Variants in CLVS1 observed in about 807,000 individuals in gnomAD.
CLVS1 encodes the protein clavesin 1.
In CLVS1, 10 loss-of-function variants were observed where a neutral mutation model predicts 33.1. The ratio of observed to expected loss-of-function variants is 0.30; its 90% CI spans 0.19 to 0.51. CLVS1 has a LOEUF of 0.51. Among genes scored for constraint, CLVS1 ranks in the 20% least tolerant of loss-of-function variants. The pLI is 0.97. For missense variants in CLVS1, 343 were observed against 433.4 expected (o/e 0.79, Z 1.85); for synonymous variants, 163 against 166.1 (o/e 0.98, Z 0.14).
intron 3 of CLVS1, among the ~76,000 whole-genome samples, chr8:61,424,551 G>C (rs1815808105): frequency 6.6e-6 from 1 of 152,094 alleles, no homozygotes; most frequent in Non-Finnish European, 1.5e-5. Context: ...TTATAAAATT[G>C]TACTTTTCTT....
intron 2 of CLVS1, among the ~76,000 whole-genome samples, chr8:61,242,471 A>G (rs1164595813): frequency 1.3e-5 from 2 of 151,572 alleles, no homozygotes; most frequent in African/African-American, 4.9e-5. Flanking sequence ...TCTCCTTTTT[A>G]CTTTTAGAAT....
chr8:61,470,003 T>C (rs1177809341), intron 5 of CLVS1, among the ~76,000 whole-genome samples: 1 of 152,206 alleles, frequency 6.6e-6, no homozygotes, highest in Non-Finnish European at 1.5e-5. Flanking sequence ...AGCCATAAAT[T>C]CCCAGTGTTT....
chr8:61,148,758 A>G (rs768438141), intron 2 of CLVS1, among the ~76,000 whole-genome samples: 2 of 152,208 alleles, frequency 1.3e-5, no homozygotes, highest in Non-Finnish European at 2.9e-5. Context: ...TCAGAGAGAC[A>G]TTGCTAAACA....
At chr8:61,182,691 G>A (rs1289341393) in intron 2 of CLVS1, among the ~76,000 whole-genome samples, 2 of 151,670 alleles carry the variant, frequency 1.3e-5, no homozygotes, top group East Asian at 1.9e-4. Flanking sequence ...AGATGCTGAC[G>A]AGGCTGTGGA....
At chr8:61,475,482 G>A (rs183762419) in intron 5 of CLVS1, among the ~76,000 whole-genome samples, 5 of 152,060 alleles carry the variant, frequency 3.3e-5, no homozygotes, top group East Asian at 1.9e-4. Context: ...TTTAATGATC[G>A]CCATTCTAAC....
At chr8:61,355,863 G>A (rs568868417) in intron 2 of CLVS1, among the ~76,000 whole-genome samples, 8 of 152,258 alleles carry the variant, frequency 5.3e-5, no homozygotes, top group African/African-American at 9.6e-5. Flanking sequence ...GAATAGTGCC[G>A]CAATAAACAT....
intron 2 of CLVS1, among the ~76,000 whole-genome samples, chr8:61,267,783 G>A (rs1348484153): frequency 1.3e-5 from 2 of 152,176 alleles, no homozygotes; most frequent in Non-Finnish European, 2.9e-5. Flanking sequence ...AGCTTCCGCA[G>A]TTAGCATGAT....
intron 3 of CLVS1, among the ~76,000 whole-genome samples, chr8:61,441,139 T>A (rs1347232873): frequency 6.6e-6 from 1 of 152,184 alleles, no homozygotes; most frequent in Non-Finnish European, 1.5e-5. Context: ...CTGAAAATGT[T>A]TTTAACCTGT....
intron 1 of CLVS1, among the ~76,000 whole-genome samples, chr8:61,088,797 CTTTTCT>C (rs1805175158): frequency 6.7e-6 from 1 of 148,814 alleles, no homozygotes; most frequent in Admixed American, 6.7e-5. Flanking sequence ...TTTTTCTTTT[CTTTTCT>C]TTTTCTTTTT....
intron 3 of CLVS1, among the ~76,000 whole-genome samples, chr8:61,436,176 C>T (rs752114634): frequency 3.9e-5 from 6 of 152,198 alleles, no homozygotes; most frequent in Non-Finnish European, 8.8e-5. Flanking sequence ...TCAGCCCTCT[C>T]ACTTGCATAA....
At chr8:61,134,055 T>C (rs1016529002) in intron 2 of CLVS1, among the ~76,000 whole-genome samples, 16 of 152,186 alleles carry the variant, frequency 1.1e-4, no homozygotes, top group Admixed American at 6.5e-5. Flanking sequence ...GAGATGTTTA[T>C]GAGATGTTCA....
At position 61,197,699 on chromosome 8, in the gene CLVS1, T is replaced by C. The variant is rs181676514; in HGVS notation, c.-152+65839T>C. On this transcript the variant is annotated intron_variant, in intron 2 of 2. Transcript: ENST00000522621. The stretch of plus-strand genomic sequence containing the variant: ...CACACCCCGCTAATTTTTGTATTTT[T>C]AGCAGAGATGGGATTTGGCCATGTT... Among the ~76,000 whole-genome samples, 5 of 152,354 alleles carry C rather than the reference T, an allele frequency of 3.3e-5. No homozygotes were observed. In the East Asian group the frequency reaches 9.6e-4, roughly 29 times the overall value.
At chr8:61,440,860 T>G (rs191570769) in intron 3 of CLVS1, among the ~76,000 whole-genome samples, 1 of 152,268 alleles carries the variant, frequency 6.6e-6, no homozygotes, top group Admixed American at 6.5e-5. Context: ...TCTAAGAAAA[T>G]CCATTGCCTA....
intron 2 of CLVS1, among the ~76,000 whole-genome samples, chr8:61,254,685 G>A (rs1809035214): frequency 6.6e-6 from 1 of 152,140 alleles, no homozygotes; most frequent in Admixed American, 6.5e-5. Flanking sequence ...TGCTAGTAAT[G>A]AGTGAGGTTC....
chr8:61,264,255 A>G (rs1585732740), intron 2 of CLVS1, among the ~76,000 whole-genome samples: 1 of 151,946 alleles, frequency 6.6e-6, no homozygotes, highest in East Asian at 2.0e-4. Flanking sequence ...ATGCTTGAAG[A>G]CGCTGAATGT....
At chr8:61,157,227 T>G (rs1361106806) in intron 2 of CLVS1, among the ~76,000 whole-genome samples, 1 of 152,108 alleles carries the variant, frequency 6.6e-6, no homozygotes, top group Non-Finnish European at 1.5e-5. Context: ...CACATAAAAG[T>G]AAGGCTAAGT....
intron 3 of CLVS1, among the ~76,000 whole-genome samples, chr8:61,381,480 G>C (rs1315625338): frequency 6.6e-6 from 1 of 152,014 alleles, no homozygotes; most frequent in Non-Finnish European, 1.5e-5. Context: ...GTGCAGTTCT[G>C]TTACGTGGGT....
chr8:61,111,940 ATCT>A (rs530989534), intron 1 of CLVS1, among the ~76,000 whole-genome samples: 7 of 152,294 alleles, frequency 4.6e-5, no homozygotes, highest in South Asian at 2.1e-4. Flanking sequence ...TCTTTTAATA[ATCT>A]TCTTTTAGTA....
intron 3 of CLVS1, among the ~76,000 whole-genome samples, chr8:61,443,339 G>A (rs1215675421): frequency 1.3e-5 from 2 of 152,090 alleles, no homozygotes; most frequent in African/African-American, 2.4e-5. Flanking sequence ...TATTTCCTAT[G>A]TTTCTTTCTT....
Sources: gnomAD v4.1 joint callset for allele counts (sites outside exome capture counted in the v4.1 genomes callset) on GRCh38, gnomAD v4.1.1 for gene constraint, MANE v1.5 for transcripts, NCBI Gene and HGNC (gene_info 2026-07-23, HGNC 2026-07-21) for gene names.